The following F11 variants were observed in gnomAD, a reference collection of about 807,000 sequenced individuals.
F11 encodes coagualtion factor XI.
In F11, 78 loss-of-function variants were observed where a neutral mutation model predicts 76.5. The observed-to-expected ratio is 1.02, with a 90% confidence interval of 0.85 to 1.23. The LOEUF (loss-of-function observed/expected upper bound fraction) is 1.23. F11 is among the 50% of genes most tolerant of loss of function. The pLI is 0.00. For synonymous variants in F11, 278 were observed against 276.3 expected (o/e 1.01, Z -0.06); for missense variants, 742 against 771.4 (o/e 0.96, Z 0.45).
chr4:186,285,088 A>G (rs771234266), intron 11 of F11, among the ~76,000 whole-genome samples: 17 of 152,280 alleles, frequency 1.1e-4, no homozygotes, highest in Non-Finnish European at 2.2e-4. Flanking sequence ...AAGTTGGCCA[A>G]ACTTTCCGTT....
At chr4:186,285,570 C>A in intron 11 of F11, 68 bp from the exon 12 acceptor site, 1 of 1,475,740 alleles carries the variant, frequency 6.8e-7, no homozygotes, top group Non-Finnish European at 9.5e-7. Context: ...AACAGCCACA[C>A]ACTTCACAAT....
intron 5 of F11, chr4:186,274,697 TC>T (rs1740238182): frequency 4.2e-6 from 1 of 239,880 alleles, no homozygotes; most frequent in Admixed American, 5.2e-5. Flanking sequence ...AAAAGTCTTA[TC>T]CTGCTCCATA....
intron 2 of F11, among the ~76,000 whole-genome samples, chr4:186,269,983 A>T (rs1214512087): frequency 1.3e-5 from 2 of 152,174 alleles, no homozygotes; most frequent in Admixed American, 6.5e-5. Flanking sequence ...TTCCCAAGGG[A>T]TTGAGAATAG....
intron 4 of F11, among the ~76,000 whole-genome samples, chr4:186,273,793 G>A (rs1192746224): frequency 6.6e-6 from 1 of 152,170 alleles, no homozygotes; most frequent in East Asian, 1.9e-4. Flanking sequence ...AAATATAAAG[G>A]TTGAAGTGAC....
Position 186,280,454 on chromosome 4 carries a change from C to A in F11, c.1029-20C>A, listed in dbSNP as rs763157281. On this transcript the variant is annotated intron_variant, in intron 9 of 14. Coordinates refer to ENST00000403665, the MANE Select transcript of F11 (RefSeq NM_000128.4). The stretch of plus-strand genomic sequence containing the variant: ...CCTGTGAGGTGCATTATGTTTATAC[C>A]GTTTTGTTTCCAACTGCAGGGGCAA... 9.3e-6 allele frequency: 15 copies of A among 1,613,906 alleles called. No individual in the cohort carries two copies. The highest frequency in any genetic ancestry group is 1.6e-4 in the Middle Eastern group (1 of 6,084).
chr4:186,285,879 A>G, intron 12 of F11, 66 bp downstream of exon 12: 3 of 1,542,196 alleles, frequency 1.9e-6, no homozygotes, highest in East Asian at 2.2e-5. Context: ...TAACACTACT[A>G]GACTTACGGC....
rs369850780 is a variant in F11 at position 186,274,251 on chromosome 4, G to A, written c.461G>A (p.Arg154Lys). ...TGCCACTTTTTCACGTACGCCACAA[G>A]GCAGTTTCCCAGCCTGGAGCATCGG... The part of the protein sequence containing the change: ...VHCHFFTYAT[R>K]QFPSLEHRNI... Residue 154 changes from arginine to lysine, a missense_variant, in exon 5 of 15, where the codon AGG (arginine) becomes AAG (lysine). Arg to Lys is a conservative substitution (Grantham distance 26, BLOSUM62 2). Coordinates refer to ENST00000403665, the MANE Select transcript of F11 (RefSeq NM_000128.4). 1 of 1,614,228 alleles carries A rather than the reference G, an allele frequency of 6.2e-7. No homozygotes were observed. Among genetic ancestry groups the A allele is most frequent in the Non-Finnish European group, 8.5e-7 (1 of 1,180,046 alleles).
Position 186,286,457 on chromosome 4 carries a change from A to AT in F11, c.1524dup (p.Val509CysfsTer5). 6.2e-7 allele frequency: 1 copy of AT among 1,614,038 alleles called. No homozygotes were observed. Among genetic ancestry groups the AT allele is most frequent in the Non-Finnish European group, 8.5e-7 (1 of 1,179,924 alleles). On this transcript the variant is annotated frameshift_variant, in exon 13 of 15. Transcript: ENST00000403665. LOFTEE classifies it high-confidence loss of function. ...TGCCTGCCTTCCAAAGGAGATAGAA[A>AT]TGTAATATACACTGATTGCTGGGTG...
In F11 at chr4:186,267,181, A is replaced by T. The variant is rs759936044; in HGVS notation, c.45A>T (p.Ser15=). 2.5e-6 allele frequency: 4 copies of T among 1,571,942 alleles called. No homozygotes were observed. Among genetic ancestry groups the T allele is most frequent in the Non-Finnish European group, 3.5e-6 (4 of 1,141,720 alleles). ...TGGTACATTTCATTTTATTTACTTC[A>T]GTTTCTGGTGGTAAGTAGAGTGTTA... is the stretch of plus-strand genomic sequence containing the variant. ...YQVVHFILFT[S]VSGECVTQLL... is the part of the protein sequence containing the mutation. Residue 15 remains serine, a synonymous_variant, in exon 2 of 15, where the codon TCA becomes TCT. Coordinates refer to ENST00000403665, the MANE Select transcript of F11 (RefSeq NM_000128.4).
chr4:186,274,500 A>T (rs1740224567), intron 5 of F11: 1 of 584,206 alleles, frequency 1.7e-6, no homozygotes, highest in African/African-American at 1.9e-5. Context: ...TCAGAAAAAT[A>T]TATATACTTG....
intron 10 of F11, chr4:186,281,882 C>T (rs986076845): frequency 9.8e-6 from 12 of 1,225,674 alleles, no homozygotes; most frequent in East Asian, 5.9e-5. Context: ...AACATAAAGA[C>T]GTTATATTGC....
Position 186,273,187 on chromosome 4 carries a change from G to C in F11, c.325+10G>C. 6.3e-7 allele frequency: 1 copy of C among 1,598,390 alleles called. No homozygotes were observed. Reference sequence around the variant, plus strand: ...TCACACCAAATAAGCGGTAAGATATGTTCTCAGAATCAACAAATACCAGCT... The same window carrying C: ...TCACACCAAATAAGCGGTAAGATATCTTCTCAGAATCAACAAATACCAGCT... On this transcript the variant is annotated intron_variant, in intron 4 of 14. Transcript: ENST00000403665.
chr4:186,278,064 G>A (rs1290603953), intron 7 of F11, among the ~76,000 whole-genome samples: 1 of 152,200 alleles, frequency 6.6e-6, no homozygotes, highest in Non-Finnish European at 1.5e-5. Flanking sequence ...CTCCCACAGT[G>A]CAGGGATTAC....
chr4:186,289,179 C>T lies in F11; in HGVS notation c.*565C>T, dbSNP rs527660100. Among the ~76,000 whole-genome samples, 1 of 152,060 alleles carries T rather than the reference C, an allele frequency of 6.6e-6. No individual in the cohort carries two copies. Among genetic ancestry groups the T allele is most frequent in the African/African-American group, 2.4e-5 (1 of 41,486 alleles). ...AAATATATATTAAAAAAAATCAGTT[C>T]GAGTAGACACGAGCTAAGAGTGAAT... On this transcript the variant is annotated 3_prime_UTR_variant, in exon 15 of 15. Coordinates refer to ENST00000403665, the MANE Select transcript of F11 (RefSeq NM_000128.4).
chr4:186,273,989 A>T, intron 4 of F11, 127 bp from the exon 5 acceptor site: 1 of 980,588 alleles, frequency 1.0e-6, no homozygotes, highest in Non-Finnish European at 1.6e-6. Context: ...TTTGCAGATT[A>T]ATATAACGAA....
intron 14 of F11, among the ~76,000 whole-genome samples, chr4:186,288,192 G>A (rs1306197145): frequency 6.6e-6 from 1 of 152,084 alleles, no homozygotes; most frequent in East Asian, 1.9e-4. Context: ...GATTACAGGC[G>A]TGAGCCACCG....
At chr4:186,275,984 C>T (rs1740344302) in intron 6 of F11, 88 bp downstream of exon 6, 1 of 1,136,388 alleles carries the variant, frequency 8.8e-7, no homozygotes. Flanking sequence ...AGCTTATGCT[C>T]ACGATGAAAC....
At chr4:186,274,634 ACT>A (rs1009731279) in intron 5 of F11, 148 of 297,324 alleles carry the variant, frequency 5.0e-4, no homozygotes, top group East Asian at 9.4e-4. Context: ...ATAAAAACCT[ACT>A]CTCTCTCTCT....
intron 5 of F11, 112 bp from the exon 6 acceptor site, chr4:186,275,675 T>C: frequency 1.3e-6 from 1 of 758,336 alleles, no homozygotes; most frequent in Non-Finnish European, 2.3e-6. Context: ...CCCAGATGGA[T>C]GCTTCGGGGT....
Sources: allele counts gnomAD v4.1 joint callset (sites outside exome capture counted in the v4.1 genomes callset), GRCh38; gene constraint gnomAD v4.1.1; transcripts MANE v1.5; gene names NCBI Gene and HGNC (gene_info 2026-07-23, HGNC 2026-07-21).